Variants in KDM4C observed in about 807,000 individuals in gnomAD.
KDM4C encodes the protein lysine demethylase 4C, also known as lysine-specific demethylase 4C.
In KDM4C, 81 loss-of-function variants were observed where a neutral mutation model predicts 129.3. That is an observed-to-expected ratio of 0.63 (90% CI 0.52 to 0.75). KDM4C has a LOEUF of 0.75. Ranked by LOEUF, KDM4C falls within the 30% of genes least tolerant of loss-of-function variation. The pLI, the probability that KDM4C is intolerant of heterozygous loss-of-function variation, is 0.00. For synonymous variants in KDM4C, 573 were observed against 456.1 expected, an observed-to-expected ratio of 1.26 and a Z score of -3.26; for missense variants, 1,457 against 1,304.0, an observed-to-expected ratio of 1.12 and a Z score of -1.81.
chr9:6,966,716 A>T (rs1013247166), intron 8 of KDM4C, among the ~76,000 whole-genome samples: 2 of 152,296 alleles, frequency 1.3e-5, no homozygotes. Context: ...GCATCCAACC[A>T]TCCAGTAGGG....
intron 5 of KDM4C, among the ~76,000 whole-genome samples, chr9:6,868,571 C>G (rs1277189148): frequency 6.6e-6 from 1 of 152,182 alleles, no homozygotes; most frequent in Admixed American, 6.5e-5. Flanking sequence ...TACATCATTT[C>G]TAGATTACTT....
intron 5 of KDM4C, among the ~76,000 whole-genome samples, chr9:6,854,167 C>G (rs1173848378): frequency 6.6e-6 from 1 of 151,976 alleles, no homozygotes; most frequent in Admixed American, 6.6e-5. Flanking sequence ...TGCTTAACTG[C>G]TAGAGGATAT....
At chr9:6,954,668 A>G (rs1286530560) in intron 8 of KDM4C, among the ~76,000 whole-genome samples, 1 of 152,336 alleles carries the variant, frequency 6.6e-6, no homozygotes, top group South Asian at 2.1e-4. Flanking sequence ...TACAAGGCTA[A>G]GATATTCTAA....
intron 19 of KDM4C, among the ~76,000 whole-genome samples, chr9:7,139,419 A>G (rs1179128327): frequency 1.3e-5 from 2 of 152,238 alleles, no homozygotes; most frequent in Non-Finnish European, 2.9e-5. Flanking sequence ...GACTGGCACA[A>G]AACAAGCCAG....
intron 8 of KDM4C, among the ~76,000 whole-genome samples, chr9:6,939,207 C>T (rs1450106822): frequency 1.3e-5 from 2 of 151,970 alleles, no homozygotes; most frequent in Non-Finnish European, 2.9e-5. Flanking sequence ...GCCTGAGCTC[C>T]ACCTCCTGTC....
chr9:7,168,978 G>T (rs960199821), intron 20 of KDM4C, among the ~76,000 whole-genome samples: 2 of 150,494 alleles, frequency 1.3e-5, no homozygotes, highest in Admixed American at 6.6e-5. Flanking sequence ...CTGGGAGGTT[G>T]AGGTTGCAGT....
At chr9:7,014,213 G>T in intron 14 of KDM4C, 1 of 468,844 alleles carries the variant, frequency 2.1e-6, no homozygotes, top group South Asian at 4.0e-5. Context: ...TGGAGAGCAG[G>T]TCTGGTTTTT....
intron 19 of KDM4C, among the ~76,000 whole-genome samples, chr9:7,136,223 A>G (rs1025305635): frequency 6.6e-6 from 1 of 152,336 alleles, no homozygotes; most frequent in South Asian, 2.1e-4. Flanking sequence ...TTGTTTATCC[A>G]TTCACCAGTT....
chr9:7,146,348 A>T (rs1842214057), intron 19 of KDM4C, among the ~76,000 whole-genome samples: 1 of 152,162 alleles, frequency 6.6e-6, no homozygotes, highest in African/African-American at 2.4e-5. Context: ...AAGTTTTTTT[A>T]AAAAAGATCT....
intron 17 of KDM4C, among the ~76,000 whole-genome samples, chr9:7,064,754 A>G (rs1468159157): frequency 6.6e-6 from 1 of 152,118 alleles, no homozygotes; most frequent in African/African-American, 2.4e-5. Context: ...GCTCCTAGGT[A>G]TGTAGTTGTT....
rs1204779137 is a variant in KDM4C, at chr9:7,123,715, A to G, written c.2611-4351A>G. ...AGGGTCTTAAGAGAGTTGTTAACAA[A>G]GGCTTTGGGAGCCCTGGGGATGGAG... On this transcript the variant is annotated intron_variant, in intron 18 of 21. Transcript: ENST00000381309. Among the ~76,000 whole-genome samples, 4 of 152,330 alleles carry G rather than the reference A, an allele frequency of 2.6e-5. No homozygotes were observed. The East Asian group carries it at 7.7e-4, about 29-fold the overall frequency.
chr9:6,891,004 G>A (rs1381080950), intron 7 of KDM4C, among the ~76,000 whole-genome samples: 2 of 152,166 alleles, frequency 1.3e-5, no homozygotes, highest in East Asian at 1.9e-4. Context: ...GTGGTGTTAT[G>A]AGTTACATTT....
intron 2 of KDM4C, among the ~76,000 whole-genome samples, chr9:6,804,007 G>T (rs768162039): frequency 2.6e-5 from 4 of 152,032 alleles, no homozygotes; most frequent in Non-Finnish European, 5.9e-5. Context: ...ATTTTTAGTG[G>T]AGATCAGGTT....
chr9:6,965,674 A>G (rs1248999264), intron 8 of KDM4C, among the ~76,000 whole-genome samples: 1 of 152,176 alleles, frequency 6.6e-6, no homozygotes, highest in Non-Finnish European at 1.5e-5. Context: ...AAGCAAACTG[A>G]TGTTCCAGTT....
At chr9:6,990,891 A>G (rs950468411) in intron 12 of KDM4C, among the ~76,000 whole-genome samples, 3 of 151,836 alleles carry the variant, frequency 2.0e-5, no homozygotes, top group African/African-American at 7.3e-5. Flanking sequence ...TTTAACTTCA[A>G]CTCTTTACAT....
At chr9:7,102,189 A>G (rs544253335) in intron 17 of KDM4C, among the ~76,000 whole-genome samples, 1 of 152,028 alleles carries the variant, frequency 6.6e-6, no homozygotes, top group Non-Finnish European at 1.5e-5. Context: ...TTGAATCTAG[A>G]TGTATAAGGA....
At chr9:6,938,529 A>G (rs1266469120) in intron 8 of KDM4C, among the ~76,000 whole-genome samples, 2 of 152,198 alleles carry the variant, frequency 1.3e-5, no homozygotes, top group South Asian at 2.1e-4. Context: ...CTAAATGGGA[A>G]CAATCTTCTA....
intron 4 of KDM4C, chr9:6,815,039 T>A (rs1831831266): frequency 9.4e-6 from 2 of 212,666 alleles, no homozygotes; most frequent in Non-Finnish European, 1.9e-5. Context: ...TAAAAATGTT[T>A]GGAAAACAGG....
intron 18 of KDM4C, among the ~76,000 whole-genome samples, chr9:7,120,293 A>T (rs1313086195): frequency 6.6e-6 from 1 of 152,000 alleles, no homozygotes; most frequent in African/African-American, 2.4e-5. Context: ...GGTTGTAATC[A>T]TTGGTAGTTA....
Sources: gnomAD v4.1 joint callset for allele counts (sites outside exome capture counted in the v4.1 genomes callset) on GRCh38, gnomAD v4.1.1 for gene constraint, MANE v1.5 for transcripts, NCBI Gene and HGNC (gene_info 2026-07-23, HGNC 2026-07-21) for gene names.